The following WDR7 variants were observed in gnomAD, a reference collection of about 807,000 sequenced individuals.
WDR7 encodes the protein WD repeat-containing protein 7.
A neutral mutation model predicts 169.4 loss-of-function variants in WDR7; 46 were observed. The observed-to-expected ratio is 0.27, with a 90% CI of 0.21 to 0.35. The LOEUF (loss-of-function observed/expected upper bound fraction) is 0.35. Ranked by LOEUF, WDR7 falls within the 10% of genes least tolerant of loss-of-function variation. WDR7 has a pLI of 1.00. For missense variants in WDR7, 1,534 were observed against 1,859.3 expected (o/e 0.83, Z 3.22); for synonymous variants, 612 against 666.8 (o/e 0.92, Z 1.27).
At chr18:56,876,497 G>A (rs2046023669) in intron 20 of WDR7, among the ~76,000 whole-genome samples, 1 of 152,198 alleles carries the variant, frequency 6.6e-6, no homozygotes, top group Admixed American at 6.5e-5. Context: ...GATCTGGGCT[G>A]AAACCATTAG....
intron 21 of WDR7, among the ~76,000 whole-genome samples, chr18:56,902,851 A>G (rs2046421390): frequency 1.3e-5 from 2 of 152,104 alleles, no homozygotes; most frequent in African/African-American, 4.8e-5. Context: ...GGAAGGTGTG[A>G]CTCTCATCAC....
At chr18:56,773,901 CCTT>C (rs1044329866) in intron 16 of WDR7, among the ~76,000 whole-genome samples, 2 of 152,024 alleles carry the variant, frequency 1.3e-5, no homozygotes, top group African/African-American at 4.8e-5. Flanking sequence ...TTCTTCTCTT[CCTT>C]CTTCTCTCCC....
chr18:56,931,264 T>G (rs1267243985), intron 22 of WDR7, among the ~76,000 whole-genome samples: 1 of 152,214 alleles, frequency 6.6e-6, no homozygotes, highest in African/African-American at 2.4e-5. Context: ...AGAATAAGGT[T>G]GACACTCCTT....
chr18:56,966,295 T>C (rs1289532991), intron 26 of WDR7, among the ~76,000 whole-genome samples: 1 of 152,022 alleles, frequency 6.6e-6, no homozygotes, highest in Non-Finnish European at 1.5e-5. Flanking sequence ...GCCTTGCCTC[T>C]CCTGCCCCCT....
intron 20 of WDR7, among the ~76,000 whole-genome samples, chr18:56,820,051 C>G (rs1315366656): frequency 6.6e-6 from 1 of 151,918 alleles, no homozygotes; most frequent in African/African-American, 2.4e-5. Flanking sequence ...TGAGACCTTC[C>G]TGTGACTTAG....
chr18:56,887,806 GA>G (rs1462803358), intron 21 of WDR7, among the ~76,000 whole-genome samples: 1 of 151,906 alleles, frequency 6.6e-6, no homozygotes, highest in African/African-American at 2.4e-5. Context: ...TCTCCTGTTT[GA>G]AAACAATTAG....
At chr18:56,655,715 C>G (rs1298010886) in intron 1 of WDR7, among the ~76,000 whole-genome samples, 1 of 151,982 alleles carries the variant, frequency 6.6e-6, no homozygotes, top group East Asian at 1.9e-4. Flanking sequence ...ATCCACCTCC[C>G]TTACCCTCAC....
intron 4 of WDR7, among the ~76,000 whole-genome samples, chr18:56,681,922 G>C (rs1162775138): frequency 6.6e-6 from 1 of 152,096 alleles, no homozygotes; most frequent in African/African-American, 2.4e-5. Context: ...TACATTCCTG[G>C]TATTCTTTTT....
rs2047033354 is a variant in WDR7 at position 56,941,374 on chromosome 18, G to A, written c.4064+1981G>A. On this transcript the variant is annotated intron_variant, in intron 25 of 27. Transcript: ENST00000254442. ...GGAAAGAGGGATTTTCCCTCTGAGG[G>A]AGTTGTGGTGATGGAAAAGTGGTGG... Among the ~76,000 whole-genome samples, 3 of 152,128 alleles carry A rather than the reference G, an allele frequency of 2.0e-5. No homozygotes were observed. In the South Asian group the frequency reaches 6.2e-4, roughly 32 times the overall value.
In WDR7 at chr18:56,783,162, T is replaced by TAA. The variant is rs5825204; in HGVS notation, c.3190+1516_3190+1517dup. 8.7e-3 allele frequency among the ~76,000 whole-genome samples: 1,285 copies of TAA among 148,504 alleles called. 39 individuals carry two copies. Among genetic ancestry groups the TAA allele is most frequent in the Admixed American group, 0.043 (644 of 14,836 alleles). ...TCTATTTTAATAAAGCAAATTAAGTTAAAAAAAAAAACAAGGCATCTAGAC... is the reference window on the plus strand; with the variant it reads ...TCTATTTTAATAAAGCAAATTAAGTTAAAAAAAAAAAAACAAGGCATCTAGAC... On this transcript the variant is annotated intron_variant, in intron 19 of 27. Coordinates refer to ENST00000254442, the MANE Select transcript of WDR7 (RefSeq NM_015285.3).
chr18:56,906,411 G>T (rs550439098), intron 21 of WDR7, among the ~76,000 whole-genome samples: 3 of 152,178 alleles, frequency 2.0e-5, no homozygotes, highest in Admixed American at 6.5e-5. Context: ...ACAAGAGAGG[G>T]CATTAAAGAG....
At chr18:57,026,951 AG>A (rs1184164764) in intron 27 of WDR7, 52 bp from the exon 28 acceptor site, 4 of 1,559,668 alleles carry the variant, frequency 2.6e-6, no homozygotes, top group Non-Finnish European at 3.5e-6. Flanking sequence ...TCTCTGTGAT[AG>A]GGAAAGGGAG....
rs750988983 is a variant in WDR7 at position 56,968,821 on chromosome 18, A to C, written c.4164+6292A>C. Among the ~76,000 whole-genome samples the C allele has an allele frequency of 2.0e-5, 3 of 152,112 alleles. No homozygotes were observed. The South Asian group carries it at 6.2e-4, about 32-fold the overall frequency. On this transcript the variant is annotated intron_variant, in intron 26 of 27. Coordinates refer to ENST00000254442, the MANE Select transcript of WDR7 (RefSeq NM_015285.3). ...TCTCTCTCAAATTCTATCTTCCCTT[A>C]ACTTCCATAGCATTGTCACCTGCCT...
chr18:56,935,138 C>T (rs73440802), intron 22 of WDR7, among the ~76,000 whole-genome samples: 18,069 of 152,148 alleles, frequency 0.12, 3,491 homozygotes, highest in African/African-American at 0.4. Flanking sequence ...GCCTGGACAA[C>T]ATCATGCTAT....
rs576115038 is a variant in WDR7 at position 56,808,835 on chromosome 18, T to A, written c.3191-7196T>A. Among the ~76,000 whole-genome samples, 4 of 152,312 alleles carry A rather than the reference T, an allele frequency of 2.6e-5. No homozygotes were observed. The South Asian group carries it at 8.3e-4, about 32-fold the overall frequency. On this transcript the variant is annotated intron_variant, in intron 19 of 27. Transcript: ENST00000254442. ...ATTGATTTTGAAGATGGCATATCCA[T>A]ATTTATATTTTAAAAAACTTCTGAA...
At chr18:56,844,204 G>T (rs2045532610) in intron 20 of WDR7, among the ~76,000 whole-genome samples, 1 of 151,802 alleles carries the variant, frequency 6.6e-6, no homozygotes. Context: ...TGAGCGTGAA[G>T]TGTGAAGTTA....
chr18:56,973,090 AC>A, intron 26 of WDR7, among the ~76,000 whole-genome samples: 1 of 151,878 alleles, frequency 6.6e-6, no homozygotes, highest in African/African-American at 2.4e-5. Context: ...CTGGTCTCAA[AC>A]TCCTGACCTC....
intron 3 of WDR7, among the ~76,000 whole-genome samples, chr18:56,680,760 T>G (rs1039615915): frequency 6.6e-6 from 1 of 152,246 alleles, no homozygotes; most frequent in African/African-American, 2.4e-5. Context: ...TGGTATTTTA[T>G]TTGCAAAAGT....
At chr18:56,655,760 A>G (rs904525022) in intron 1 of WDR7, among the ~76,000 whole-genome samples, 1 of 152,106 alleles carries the variant, frequency 6.6e-6, no homozygotes, top group African/African-American at 2.4e-5. Flanking sequence ...TTCTATCTCT[A>G]TAATTTTGTC....
Sources: allele counts gnomAD v4.1 joint callset (sites outside exome capture counted in the v4.1 genomes callset), GRCh38; gene constraint gnomAD v4.1.1; transcripts MANE v1.5; gene names NCBI Gene and HGNC (gene_info 2026-07-23, HGNC 2026-07-21).